The following MAP2K5 variants were observed in gnomAD, a reference collection of about 807,000 sequenced individuals.
MAP2K5 encodes dual specificity mitogen-activated protein kinase kinase 5.
In MAP2K5, 49 loss-of-function variants were observed where a neutral mutation model predicts 83.1. The ratio of observed to expected loss-of-function variants is 0.59; its 90% CI spans 0.47 to 0.75. The LOEUF (loss-of-function observed/expected upper bound fraction) is 0.75. Ranked by LOEUF, MAP2K5 falls within the 30% of genes least tolerant of loss-of-function variation. The probability of loss-of-function intolerance (pLI) is 0.00; values close to 1 mark genes in which losing one functional copy is unlikely to be tolerated. For missense variants in MAP2K5, 457 were observed against 557.5 expected (o/e 0.82, Z 1.82); for synonymous variants, 202 against 191.8 (o/e 1.05, Z -0.44).
At chr15:67,693,412 T>G in intron 14 of MAP2K5, 106 bp from the exon 15 acceptor site, 1 of 848,566 alleles carries the variant, frequency 1.2e-6, no homozygotes, top group Non-Finnish European at 1.9e-6. Context: ...TACATAATTT[T>G]TAGTTGATTT....
intron 2 of MAP2K5, among the ~76,000 whole-genome samples, chr15:67,558,727 C>T (rs1340467304): frequency 6.6e-6 from 1 of 152,238 alleles, no homozygotes; most frequent in Non-Finnish European, 1.5e-5. Context: ...AGGCATTCCT[C>T]TGACCCAGGG....
Position 67,714,413 on chromosome 15 carries a change from GGAAAAAAAAAAAAAAAAAAAAAAAA to G in MAP2K5, c.1044+11006_1044+11030del, listed in dbSNP as rs2088779644. On this transcript the variant is annotated intron_variant, in intron 16 of 21. Transcript: ENST00000178640. The stretch of plus-strand genomic sequence containing the variant: ...CCCCCCACCCCTACCCAGCTGCCAG[GGAAAAAAAAAAAAAAAAAAAAAAAA>G]AAAAAAAAAAAAAAAAACCACCACC... Among the ~76,000 whole-genome samples the G allele has an allele frequency of 1.6e-3, 70 of 42,680 alleles. 1 individual carries two copies. Among genetic ancestry groups the G allele is most frequent in the African/African-American group, 3.8e-3 (49 of 12,738 alleles). The allele number at this position is 42,680 out of a possible 152,430, so 28.0% of individuals were successfully genotyped here.
rs952403941 is a variant in MAP2K5, at chr15:67,793,989, G to A, written c.1243-12657G>A. 6.6e-6 allele frequency among the ~76,000 whole-genome samples: 1 copy of A among 152,178 alleles called. No individual in the cohort carries two copies. The highest frequency in any genetic ancestry group is 1.9e-4 in the East Asian group (1 of 5,202). On this transcript the variant is annotated intron_variant, in intron 21 of 21. Coordinates refer to ENST00000178640, the MANE Select transcript of MAP2K5 (RefSeq NM_145160.3). The surrounding 1 kb of genome is among the most constrained non-coding windows in gnomAD (Gnocchi z 4.6). The stretch of plus-strand genomic sequence containing the variant: ...TGAATTAAAGACCCTTGGTAAAATA[G>A]ACACAGCTACCATTAGAAGGAAGCT...
chr15:67,766,567 T>C (rs967270711), intron 19 of MAP2K5, among the ~76,000 whole-genome samples: 1 of 152,224 alleles, frequency 6.6e-6, no homozygotes, highest in African/African-American at 2.4e-5. Flanking sequence ...GACTAGATAC[T>C]TTCCCTTCCT....
rs941783646 is a variant in MAP2K5, at chr15:67,698,348, C to T, written c.972+4780C>T. On this transcript the variant is annotated intron_variant, in intron 15 of 21. Transcript: ENST00000178640. The surrounding 1 kb of genome is among the most constrained non-coding windows in gnomAD (Gnocchi z 4.5). ...GATTACAGGCGTGCACCACCACGCC[C>T]GGCTAATTTTTGTATTTTTAGTAGA... Among the ~76,000 whole-genome samples, 117 of 151,944 alleles carry T rather than the reference C, an allele frequency of 7.7e-4. 1 individual carries two copies. The highest frequency in any genetic ancestry group is 2.0e-3 in the Admixed American group (31 of 15,250).
chr15:67,713,215 T>C (rs535055023), intron 16 of MAP2K5, among the ~76,000 whole-genome samples: 34 of 152,218 alleles, frequency 2.2e-4, no homozygotes, highest in Middle Eastern at 3.4e-3. Flanking sequence ...GTAATAGAAA[T>C]TTTCCCAAGG....
In MAP2K5 at chr15:67,722,417, C is replaced by T. The variant is rs181126733; in HGVS notation, c.1045-5499C>T. On this transcript the variant is annotated intron_variant, in intron 16 of 21. Transcript: ENST00000178640. The surrounding 1 kb of genome is among the most constrained non-coding windows in gnomAD (Gnocchi z 4.2). ...ATTTAATTGAAACCCTACTTCAAGA[C>T]GCTTTGTGTTTCTGTGTTCTTTGTT... Among the ~76,000 whole-genome samples the T allele has an allele frequency of 8.3e-4, 125 of 151,464 alleles. 1 individual carries two copies. In the East Asian group the frequency reaches 9.7e-3, roughly 12 times the overall value.
chr15:67,688,303 G>T (rs1200412358), intron 13 of MAP2K5, among the ~76,000 whole-genome samples: 1 of 152,208 alleles, frequency 6.6e-6, no homozygotes, highest in East Asian at 1.9e-4. Flanking sequence ...AAAGGCTTTG[G>T]AGGTTTTAGG....
At chr15:67,620,890 T>C (rs1339572318) in intron 8 of MAP2K5, among the ~76,000 whole-genome samples, 1 of 152,098 alleles carries the variant, frequency 6.6e-6, no homozygotes, top group Non-Finnish European at 1.5e-5. Flanking sequence ...TTCAGTATAA[T>C]AGAGGAAGAG....
chr15:67,772,765 T>G lies in MAP2K5; in HGVS notation c.1242+13T>G, dbSNP rs768350917. 1.3e-6 allele frequency: 2 copies of G among 1,591,346 alleles called. No individual in the cohort carries two copies. Among genetic ancestry groups the G allele is most frequent in the Non-Finnish European group, 1.7e-6 (2 of 1,167,398 alleles). ...TGAAGAATTGATGGTAAGTGAATGT[T>G]TTTAGTTACATTAGAATTCTCAGTT... On this transcript the variant is annotated intron_variant, in intron 21 of 21. Coordinates refer to ENST00000178640, the MANE Select transcript of MAP2K5 (RefSeq NM_145160.3).
In MAP2K5 at chr15:67,690,034, T is replaced by A. The variant is rs192163046; in HGVS notation, c.848-2445T>A. ...ATTTTTGTGTGTGTGCCATTTTTTTTAAATCTCTTCAGCTATTGTTAGTGT... is the reference window on the plus strand; with the variant it reads ...ATTTTTGTGTGTGTGCCATTTTTTTAAAATCTCTTCAGCTATTGTTAGTGT... On this transcript the variant is annotated intron_variant, in intron 13 of 21. Transcript: ENST00000178640. The surrounding 1 kb of genome is among the most constrained non-coding windows in gnomAD (Gnocchi z 4.3). 0.013 allele frequency among the ~76,000 whole-genome samples: 2,053 copies of A among 152,274 alleles called. 22 individuals carry two copies. The highest frequency in any genetic ancestry group is 0.034 in the Middle Eastern group (10 of 294).
At position 67,562,076 on chromosome 15, in the gene MAP2K5, A is replaced by T. The variant is rs182397019; in HGVS notation, c.185-1207A>T. Among the ~76,000 whole-genome samples the T allele has an allele frequency of 2.0e-5, 3 of 152,302 alleles. No homozygotes were observed. In the East Asian group the frequency reaches 5.8e-4, roughly 29 times the overall value. ...AATTATATGCCCAAGAGTGAACAAA[A>T]ATAATAATTCCGATTGTTAACACCA... On this transcript the variant is annotated intron_variant, in intron 2 of 21. Transcript: ENST00000178640. The surrounding 1 kb of genome is among the most constrained non-coding windows in gnomAD (Gnocchi z 4.1).
intron 8 of MAP2K5, among the ~76,000 whole-genome samples, chr15:67,618,616 G>A (rs1009176969): frequency 2.6e-5 from 4 of 152,244 alleles, no homozygotes; most frequent in African/African-American, 9.6e-5. Context: ...TTCATTTACA[G>A]CTTCTCCCAT....
intron 17 of MAP2K5, among the ~76,000 whole-genome samples, chr15:67,731,039 C>CA (rs2089208456): frequency 6.6e-6 from 1 of 152,136 alleles, no homozygotes; most frequent in Admixed American, 6.5e-5. Context: ...CTGAAAAGTA[C>CA]AAAGGGCCAC....
chr15:67,653,800 A>C (rs1187521528), intron 11 of MAP2K5, among the ~76,000 whole-genome samples: 2 of 151,890 alleles, frequency 1.3e-5, no homozygotes, highest in Non-Finnish European at 2.9e-5. Context: ...CTTTCTTCTT[A>C]TTTAATGTAG....
chr15:67,669,846 T>C (rs2087483527), intron 13 of MAP2K5, among the ~76,000 whole-genome samples: 1 of 152,172 alleles, frequency 6.6e-6, no homozygotes, highest in Admixed American at 6.5e-5. Flanking sequence ...CAATTAGAAT[T>C]CTCATACATT....
In MAP2K5 at chr15:67,770,362, A is replaced by G. The variant is rs1477367269; in HGVS notation, c.1196+699A>G. Reference sequence around the variant, plus strand: ...GTCTTTTATTACCCCTTTCACCATCATTCCCCTCTTCCCTCGTCCTGCAGG... The same window carrying G: ...GTCTTTTATTACCCCTTTCACCATCGTTCCCCTCTTCCCTCGTCCTGCAGG... On this transcript the variant is annotated intron_variant, in intron 20 of 21. Transcript: ENST00000178640. The surrounding 1 kb of genome is among the most constrained non-coding windows in gnomAD (Gnocchi z 5.0). 1.3e-5 allele frequency among the ~76,000 whole-genome samples: 2 copies of G among 152,122 alleles called. No individual in the cohort carries two copies. The highest frequency in any genetic ancestry group is 2.9e-5 in the Non-Finnish European group (2 of 68,026).
rs2090724532 is a variant in MAP2K5 at position 67,802,515 on chromosome 15, C to T, written c.1243-4131C>T. On this transcript the variant is annotated intron_variant, in intron 21 of 21. Coordinates refer to ENST00000178640, the MANE Select transcript of MAP2K5 (RefSeq NM_145160.3). The surrounding 1 kb of genome is among the most constrained non-coding windows in gnomAD (Gnocchi z 5.0). ...GTCTGTGGACTATAATAACTTCAAC[C>T]CTCGTCAGTTTAATTGTTGCAATTG... 6.6e-6 allele frequency among the ~76,000 whole-genome samples: 1 copy of T among 152,166 alleles called. No homozygotes were observed. The highest frequency in any genetic ancestry group is 6.5e-5 in the Admixed American group (1 of 15,280).
In MAP2K5 at chr15:67,747,202, T is replaced by A. The variant is rs2089623376; in HGVS notation, c.1075-1029T>A. Among the ~76,000 whole-genome samples the A allele has an allele frequency of 1.3e-5, 2 of 152,220 alleles. No homozygotes were observed. The highest frequency in any genetic ancestry group is 2.9e-5 in the Non-Finnish European group (2 of 68,038). Reference sequence around the variant, plus strand: ...ATCCCTGCCAAACTCAGGGTGGTTGTACAGATCAAATGAGTTTGTATATGG... The same window carrying A: ...ATCCCTGCCAAACTCAGGGTGGTTGAACAGATCAAATGAGTTTGTATATGG... On this transcript the variant is annotated intron_variant, in intron 17 of 21. Coordinates refer to ENST00000178640, the MANE Select transcript of MAP2K5 (RefSeq NM_145160.3). This position sits in a 1 kb window ranked among gnomAD's most constrained non-coding sequence, Gnocchi z 4.1.
Sources: allele counts gnomAD v4.1 joint callset (sites outside exome capture counted in the v4.1 genomes callset), GRCh38; gene constraint gnomAD v4.1.1; non-coding constraint Gnocchi (gnomAD v3.1); transcripts MANE v1.5; gene names NCBI Gene and HGNC (gene_info 2026-07-23, HGNC 2026-07-21).